RYR3: variants seen among roughly 807,000 people sequenced by gnomAD.
RYR3 encodes the protein ryanodine receptor 3, also known as brain ryanodine receptor-calcium release channel.
Under a neutral mutation model 584.3 loss-of-function variants are expected in RYR3, and 207 were observed. The observed-to-expected ratio is 0.35, with a 90% CI of 0.32 to 0.40. The LOEUF (loss-of-function observed/expected upper bound fraction) is 0.40, where lower values mean the gene tolerates loss of function less well. RYR3 is among the 10% of genes least tolerant of loss of function. The probability of loss-of-function intolerance (pLI) is 1.00; values close to 1 mark genes in which losing one functional copy is unlikely to be tolerated. For synonymous variants in RYR3, 2,416 were observed against 2,248.5 expected, an observed-to-expected ratio of 1.07 and a Z score of -2.11; for missense variants, 5,616 against 6,089.2, an observed-to-expected ratio of 0.92 and a Z score of 2.59.
intron 8 of RYR3, among the ~76,000 whole-genome samples, chr15:33,547,534 T>C (rs1037479140): frequency 6.6e-6 from 1 of 152,158 alleles, no homozygotes; most frequent in Non-Finnish European, 1.5e-5. Context: ...AACTGTTTGA[T>C]AAACCTAACA....
chr15:33,828,642 C>T (rs556920486), intron 85 of RYR3, among the ~76,000 whole-genome samples: 1 of 152,316 alleles, frequency 6.6e-6, no homozygotes, highest in South Asian at 2.1e-4. Flanking sequence ...AGGGCTCTAA[C>T]TCTCTTCAAT....
chr15:33,842,406 A>G (rs1475574663), intron 91 of RYR3, among the ~76,000 whole-genome samples: 1 of 152,216 alleles, frequency 6.6e-6, no homozygotes, highest in Non-Finnish European at 1.5e-5. Context: ...ATCAGAAAGA[A>G]TGTTCCTCTT....
intron 16 of RYR3, among the ~76,000 whole-genome samples, chr15:33,592,619 A>T (rs1198840590): frequency 6.6e-6 from 1 of 152,102 alleles, no homozygotes; most frequent in East Asian, 1.9e-4. Context: ...TCAGAAGGAG[A>T]AGAAAATGGA....
intron 74 of RYR3, among the ~76,000 whole-genome samples, chr15:33,815,217 G>T (rs771203145): frequency 4.6e-5 from 7 of 152,242 alleles, no homozygotes; most frequent in Non-Finnish European, 1.0e-4. Flanking sequence ...AGCTCAAGCA[G>T]TCATGGGCGT....
At chr15:33,859,753 AG>A in intron 100 of RYR3, 22 bp downstream of exon 100, 2 of 1,592,844 alleles carry the variant, frequency 1.3e-6, no homozygotes, top group Non-Finnish European at 1.7e-6. Context: ...AATTGTGTTG[AG>A]TATGAACAGG....
chr15:33,864,918 T>C, intron 103 of RYR3: 2 of 505,562 alleles, frequency 4.0e-6, no homozygotes, highest in South Asian at 3.4e-5. Context: ...GAGGGGGATT[T>C]TTCTCCTTCC....
chr15:33,723,644 TCCTC>T (rs2068112521), intron 44 of RYR3, among the ~76,000 whole-genome samples: 1 of 152,164 alleles, frequency 6.6e-6, no homozygotes, highest in Non-Finnish European at 1.5e-5. Context: ...TTTCGCCACT[TCCTC>T]AAGCAACATG....
At chr15:33,343,782 A>T (rs953859836) in intron 1 of RYR3, among the ~76,000 whole-genome samples, 2 of 152,204 alleles carry the variant, frequency 1.3e-5, no homozygotes, top group Non-Finnish European at 2.9e-5. Context: ...GTCCCATCCC[A>T]GGAACGGAAG....
At chr15:33,649,971 G>A (rs1234381413) in intron 31 of RYR3, among the ~76,000 whole-genome samples, 2 of 152,220 alleles carry the variant, frequency 1.3e-5, no homozygotes, top group Non-Finnish European at 2.9e-5. Flanking sequence ...TGCTCCCTAC[G>A]AAGACAGGAA....
At chr15:33,836,769 C>T (rs937092387) in intron 87 of RYR3, 137 bp from the exon 88 acceptor site, 44 of 605,562 alleles carry the variant, frequency 7.3e-5, no homozygotes, top group Non-Finnish European at 1.1e-4. Flanking sequence ...CATCCTCATT[C>T]AGAATGAGAA....
At chr15:33,553,044 G>A (rs2056802486) in intron 10 of RYR3, among the ~76,000 whole-genome samples, 1 of 152,170 alleles carries the variant, frequency 6.6e-6, no homozygotes, top group Admixed American at 6.5e-5. Flanking sequence ...GCAAATGGTA[G>A]CCTGAGATAG....
chr15:33,395,562 AT>A (rs1412836816), intron 1 of RYR3, among the ~76,000 whole-genome samples: 5 of 152,188 alleles, frequency 3.3e-5, no homozygotes, highest in African/African-American at 1.2e-4. Flanking sequence ...CTGGTAATGA[AT>A]CTGGGCCAGA....
chr15:33,742,737 T>C (rs1006390339), intron 52 of RYR3, among the ~76,000 whole-genome samples: 2 of 152,172 alleles, frequency 1.3e-5, no homozygotes, highest in Non-Finnish European at 2.9e-5. Context: ...GGCTTGTATG[T>C]GTTTGACGTA....
chr15:33,333,260 A>C (rs142559600), intron 1 of RYR3, among the ~76,000 whole-genome samples: 157 of 152,256 alleles, frequency 1.0e-3, no homozygotes, highest in African/African-American at 3.7e-3. Flanking sequence ...TACAATAAAA[A>C]AGGAAAATTT....
chr15:33,863,541 A>G (rs1048547186), intron 102 of RYR3, among the ~76,000 whole-genome samples: 2 of 152,182 alleles, frequency 1.3e-5, no homozygotes, highest in African/African-American at 4.8e-5. Context: ...ATGTGAGCTG[A>G]GAGTTCAGCC....
Position 33,440,724 on chromosome 15 carries a change from G to A in RYR3, c.52-32695G>A, listed in dbSNP as rs117003427. 9.9e-4 allele frequency among the ~76,000 whole-genome samples: 151 copies of A among 152,306 alleles called. 2 individuals are homozygous for A. The East Asian group carries it at 0.026, about 26-fold the overall frequency. On this transcript the variant is annotated intron_variant, in intron 1 of 103. Transcript: ENST00000634891. ...CACAATTCCAGGCTCTATCCCTAGAGGTTCTATTTCAACTTGGTAGAGCCG... is the reference window on the plus strand; with the variant it reads ...CACAATTCCAGGCTCTATCCCTAGAAGTTCTATTTCAACTTGGTAGAGCCG...
chr15:33,434,352 G>A (rs1596116700), intron 1 of RYR3, among the ~76,000 whole-genome samples: 1 of 152,066 alleles, frequency 6.6e-6, no homozygotes. Flanking sequence ...CTTATAGTTT[G>A]TATTAGCTGC....
chr15:33,587,379 G>A (rs1315217728), intron 16 of RYR3, among the ~76,000 whole-genome samples: 3 of 152,152 alleles, frequency 2.0e-5, no homozygotes, highest in South Asian at 2.1e-4. Flanking sequence ...AGCTGCTCTC[G>A]TCTCATTGCC....
chr15:33,640,338 A>G lies in RYR3; in HGVS notation c.3556+3788A>G, dbSNP rs1235019845. ...TCCTTTGTTTTCTACAAGGCTTGTG[A>G]CCATCTGCCTGTCATCTCCTGTAAC... On this transcript the variant is annotated intron_variant, in intron 27 of 103. Transcript: ENST00000634891. Among the ~76,000 whole-genome samples the G allele has an allele frequency of 5.9e-5, 9 of 152,058 alleles. 1 individual carries two copies. Among genetic ancestry groups the G allele is most frequent in the Non-Finnish European group, 1.2e-4 (8 of 68,002 alleles).
Sources: gnomAD v4.1 joint callset for allele counts (sites outside exome capture counted in the v4.1 genomes callset) on GRCh38, gnomAD v4.1.1 for gene constraint, MANE v1.5 for transcripts, NCBI Gene and HGNC (gene_info 2026-07-23, HGNC 2026-07-21) for gene names.